The following MYO1D variants were observed in gnomAD, a reference collection of about 807,000 sequenced individuals.
MYO1D encodes the protein myosin ID.
MYO1D carries 83 observed loss-of-function variants against 122.0 expected under a neutral mutation model. The ratio of observed to expected loss-of-function variants is 0.68; its 90% CI spans 0.57 to 0.82. The LOEUF (loss-of-function observed/expected upper bound fraction) is 0.82, where lower values mean the gene tolerates loss of function less well. Ranked by LOEUF, MYO1D falls within the 40% of genes least tolerant of loss-of-function variation. The pLI is 0.00. For synonymous variants in MYO1D, 464 were observed against 446.9 expected, an observed-to-expected ratio of 1.04 and a Z score of -0.48; for missense variants, 1,157 against 1,269.5, an observed-to-expected ratio of 0.91 and a Z score of 1.35.
chr17:32,642,102 T>A (rs1447848587), intron 19 of MYO1D, among the ~76,000 whole-genome samples: 1 of 152,242 alleles, frequency 6.6e-6, no homozygotes, highest in Non-Finnish European at 1.5e-5. Context: ...TGAATTAATT[T>A]TTGTATGAGG....
At chr17:32,558,720 G>A (rs117407794) in intron 21 of MYO1D, among the ~76,000 whole-genome samples, 3,326 of 152,260 alleles carry the variant, frequency 0.022, 49 homozygotes, top group Middle Eastern at 0.034. Context: ...ATGTGCTTCC[G>A]TTTTAAATAT....
At chr17:32,580,254 TAGA>T (rs1030027309) in intron 21 of MYO1D, among the ~76,000 whole-genome samples, 74 of 150,152 alleles carry the variant, frequency 4.9e-4, no homozygotes, top group Middle Eastern at 6.9e-3. Context: ...TACCAGGTTG[TAGA>T]AGTCCACTTC....
At chr17:32,498,362 T>C (rs950994532) in intron 21 of MYO1D, 6 of 152,300 alleles carry the variant, frequency 3.9e-5, no homozygotes, top group African/African-American at 1.4e-4. Flanking sequence ...GAGGTCTTAA[T>C]ACAAGAGCCG....
At chr17:32,808,678 A>C (rs1052983002) in intron 1 of MYO1D, among the ~76,000 whole-genome samples, 2 of 152,154 alleles carry the variant, frequency 1.3e-5, no homozygotes, top group African/African-American at 4.8e-5. Flanking sequence ...AGCCCTCATG[A>C]ATGAGACTAG....
chr17:32,780,767 A>G lies in MYO1D; in HGVS notation c.113T>C (p.Ile38Thr). ...GACGACTTCTCCAATGAACGTATAG[A>G]TGCGCCCTTTTTCAAATCTGTACAG... is the stretch of plus-strand genomic sequence containing the variant. ...NLRLRFEKGR[I>T]YTFIGEVVVS... Residue 38 changes from isoleucine to threonine, a missense_variant, in exon 2 of 22, where the codon ATC becomes ACC. Coordinates refer to ENST00000318217, the MANE Select transcript of MYO1D (RefSeq NM_015194.3). The G allele has an allele frequency of 6.2e-7, 1 of 1,614,186 alleles. No individual in the cohort carries two copies.
intron 21 of MYO1D, among the ~76,000 whole-genome samples, chr17:32,523,232 G>A (rs1910219436): frequency 6.6e-6 from 1 of 152,220 alleles, no homozygotes; most frequent in Admixed American, 6.5e-5. Context: ...AGAGAAGGAA[G>A]GGAAAAGAGA....
intron 21 of MYO1D, among the ~76,000 whole-genome samples, chr17:32,511,498 T>C (rs939301830): frequency 1.3e-5 from 2 of 151,804 alleles, no homozygotes; most frequent in Non-Finnish European, 2.9e-5. Flanking sequence ...AGAGCAACCA[T>C]ATCCAGCTCC....
At chr17:32,641,180 G>A (rs1018820035) in intron 19 of MYO1D, among the ~76,000 whole-genome samples, 3 of 148,752 alleles carry the variant, frequency 2.0e-5, no homozygotes, top group Non-Finnish European at 4.4e-5. Flanking sequence ...GTGAGAACAT[G>A]TGGTGTTTGC....
chr17:32,642,105 G>A (rs576458772), intron 19 of MYO1D, among the ~76,000 whole-genome samples: 2 of 152,156 alleles, frequency 1.3e-5, no homozygotes, highest in Non-Finnish European at 2.9e-5. Context: ...ATTAATTTTT[G>A]TATGAGGTGT....
chr17:32,717,076 T>A (rs1181591571), intron 15 of MYO1D, among the ~76,000 whole-genome samples: 1 of 152,234 alleles, frequency 6.6e-6, no homozygotes, highest in Non-Finnish European at 1.5e-5. Flanking sequence ...GTAGAAAATA[T>A]TATCTTTTCT....
chr17:32,721,273 G>C, intron 14 of MYO1D, 84 bp from the exon 15 acceptor site: 1 of 1,311,340 alleles, frequency 7.6e-7, no homozygotes, highest in East Asian at 2.3e-5. Flanking sequence ...AGTGTTAATT[G>C]TGTCAAGTTA....
At chr17:32,523,790 CAAAAAAAAAAAAA>C (rs34905929) in intron 21 of MYO1D, among the ~76,000 whole-genome samples, 1 of 91,670 alleles carries the variant, frequency 1.1e-5, no homozygotes, top group Admixed American at 1.2e-4. Flanking sequence ...GACCCTGTCT[CAAAAAAAAAAAAA>C]AAAAAAAAAG....
chr17:32,691,632 C>T (rs1443548732), intron 16 of MYO1D, among the ~76,000 whole-genome samples: 3 of 152,108 alleles, frequency 2.0e-5, no homozygotes, highest in African/African-American at 7.2e-5. Flanking sequence ...GTCTCGAACT[C>T]CTGACCTCAG....
chr17:32,547,044 G>C (rs2086970193), intron 21 of MYO1D, among the ~76,000 whole-genome samples: 1 of 151,204 alleles, frequency 6.6e-6, no homozygotes, highest in African/African-American at 2.4e-5. Context: ...TGAGTAGCTG[G>C]AACTACATCA....
intron 1 of MYO1D, among the ~76,000 whole-genome samples, chr17:32,790,104 AG>A (rs751024230): frequency 8.5e-5 from 13 of 152,224 alleles, no homozygotes; most frequent in Admixed American, 5.2e-4. Context: ...GAACGGTGTT[AG>A]CAAAAATATG....
At chr17:32,733,014 C>T (rs2089658587) in intron 14 of MYO1D, among the ~76,000 whole-genome samples, 1 of 152,218 alleles carries the variant, frequency 6.6e-6, no homozygotes, top group Non-Finnish European at 1.5e-5. Context: ...GTGCCGGCAC[C>T]TGGAGCTGCC....
chr17:32,844,733 C>T (rs569160089), intron 1 of MYO1D, among the ~76,000 whole-genome samples: 53 of 151,956 alleles, frequency 3.5e-4, no homozygotes, highest in African/African-American at 1.3e-3. Context: ...TCTAAAAAAA[C>T]AATGTATAAT....
intron 21 of MYO1D, among the ~76,000 whole-genome samples, chr17:32,525,852 C>T (rs529654715): frequency 4.6e-5 from 7 of 152,162 alleles, no homozygotes; most frequent in African/African-American, 1.7e-4. Flanking sequence ...TCACTCAGCC[C>T]GAGGAGAAAC....
chr17:32,526,863 A>T (rs929577929), intron 21 of MYO1D, among the ~76,000 whole-genome samples: 2 of 152,196 alleles, frequency 1.3e-5, no homozygotes, highest in African/African-American at 4.8e-5. Flanking sequence ...GTTTCCAACC[A>T]TGAAACATCT....
Sources: allele counts gnomAD v4.1 joint callset (sites outside exome capture counted in the v4.1 genomes callset), GRCh38; gene constraint gnomAD v4.1.1; transcripts MANE v1.5; gene names NCBI Gene and HGNC (gene_info 2026-07-23, HGNC 2026-07-21).